PPM1L: variants seen among roughly 807,000 people sequenced by gnomAD.
PPM1L encodes protein phosphatase 1L.
PPM1L carries 13 observed loss-of-function variants against 31.4 expected under a neutral mutation model. The observed-to-expected ratio is 0.41, with a 90% confidence interval of 0.27 to 0.66. The LOEUF (loss-of-function observed/expected upper bound fraction) is 0.66, where lower values mean the gene tolerates loss of function less well. Ranked by LOEUF, PPM1L falls within the 30% of genes least tolerant of loss-of-function variation. The pLI is 0.29. For missense variants in PPM1L, 326 were observed against 453.7 expected (o/e 0.72, Z 2.56); for synonymous variants, 184 against 175.4 (o/e 1.05, Z -0.39).
Position 161,078,169 on chromosome 3 carries a change from G to A in PPM1L, c.*9012G>A, listed in dbSNP as rs1720168984. The A allele has an allele frequency of 1.3e-5, 2 of 152,172 alleles. No individual in the cohort carries two copies. Among genetic ancestry groups the A allele is most frequent in the Admixed American group, 6.5e-5 (1 of 15,284 alleles). 9.4% of individuals were successfully genotyped at this position (152,172 alleles called of 1,614,324 possible). Reference sequence around the variant, plus strand: ...TAGTAAGATTAAAACCATAGATGGAGCTCAGTTATTAAGGATGGAAAGGAG... The same window carrying A: ...TAGTAAGATTAAAACCATAGATGGAACTCAGTTATTAAGGATGGAAAGGAG... On this transcript the variant is annotated 3_prime_UTR_variant, in exon 4 of 4. Transcript: ENST00000498165.
At chr3:160,825,273 G>A (rs1431044232) in intron 1 of PPM1L, among the ~76,000 whole-genome samples, 1 of 152,060 alleles carries the variant, frequency 6.6e-6, no homozygotes, top group Non-Finnish European at 1.5e-5. Flanking sequence ...ACCGTAAGGT[G>A]TCAAAAATCT....
chr3:160,902,898 A>G (rs929020822), intron 1 of PPM1L, among the ~76,000 whole-genome samples: 4 of 152,180 alleles, frequency 2.6e-5, no homozygotes, highest in African/African-American at 9.7e-5. Context: ...GCAAAGTTAC[A>G]GAATTGAGAG....
chr3:160,935,653 AAGG>A (rs1473592002), intron 1 of PPM1L, among the ~76,000 whole-genome samples: 1 of 152,194 alleles, frequency 6.6e-6, no homozygotes, highest in Non-Finnish European at 1.5e-5. Flanking sequence ...TGCTACCTGA[AAGG>A]AGAAGCTTCA....
intron 1 of PPM1L, among the ~76,000 whole-genome samples, chr3:160,843,426 T>TTTTA (rs1169156583): frequency 4.2e-5 from 2 of 47,534 alleles, no homozygotes; most frequent in East Asian, 1.6e-3. Context: ...GGCAATTCTT[T>TTTTA]TATATATATA....
intron 1 of PPM1L, among the ~76,000 whole-genome samples, chr3:160,915,022 G>C (rs1481587826): frequency 6.6e-6 from 1 of 152,078 alleles, no homozygotes; most frequent in African/African-American, 2.4e-5. Context: ...GTTTTGATTT[G>C]CATTTATCTG....
intron 1 of PPM1L, among the ~76,000 whole-genome samples, chr3:160,767,330 C>T (rs999144637): frequency 6.6e-6 from 1 of 151,878 alleles, no homozygotes; most frequent in African/African-American, 2.4e-5. Context: ...ACCTCCCAGG[C>T]TCAAGTGATC....
At chr3:160,835,887 T>C (rs1375023111) in intron 1 of PPM1L, among the ~76,000 whole-genome samples, 1 of 152,088 alleles carries the variant, frequency 6.6e-6, no homozygotes, top group Admixed American at 6.6e-5. Flanking sequence ...GGAACATCTC[T>C]GCTCTTACTG....
chr3:161,019,650 CT>C (rs1195258413), intron 2 of PPM1L, among the ~76,000 whole-genome samples: 1 of 152,170 alleles, frequency 6.6e-6, no homozygotes, highest in African/African-American at 2.4e-5. Flanking sequence ...ATAGAACAAA[CT>C]TTCAAATAAA....
intron 1 of PPM1L, among the ~76,000 whole-genome samples, chr3:160,873,876 T>C (rs1712407886): frequency 6.6e-6 from 1 of 152,214 alleles, no homozygotes; most frequent in South Asian, 2.1e-4. Flanking sequence ...ACTTGCATCA[T>C]GGATTGAGGA....
intron 1 of PPM1L, among the ~76,000 whole-genome samples, chr3:160,847,520 A>G (rs1428800571): frequency 1.3e-5 from 2 of 152,188 alleles, no homozygotes; most frequent in African/African-American, 2.4e-5. Context: ...TTGTGATCTC[A>G]ACTGGTAAGT....
At chr3:160,780,801 T>C (rs144285805) in intron 1 of PPM1L, among the ~76,000 whole-genome samples, 4 of 152,298 alleles carry the variant, frequency 2.6e-5, no homozygotes, top group African/African-American at 9.6e-5. Flanking sequence ...CAGGCAGATA[T>C]TGGGTTGTAG....
At chr3:160,793,677 A>C (rs956271967) in intron 1 of PPM1L, among the ~76,000 whole-genome samples, 3 of 152,196 alleles carry the variant, frequency 2.0e-5, no homozygotes, top group African/African-American at 7.2e-5. Context: ...TATGAACAAA[A>C]GTTCTCTGAA....
chr3:160,924,886 A>G (rs1714534785), intron 1 of PPM1L, among the ~76,000 whole-genome samples: 1 of 152,192 alleles, frequency 6.6e-6, no homozygotes. Flanking sequence ...AACAATTCGC[A>G]TTTAGATTTC....
chr3:160,851,844 G>T (rs1056486339), intron 1 of PPM1L, among the ~76,000 whole-genome samples: 1 of 152,204 alleles, frequency 6.6e-6, no homozygotes, highest in Admixed American at 6.5e-5. Context: ...CCTTTCCGAA[G>T]CCTGTATTTC....
chr3:160,831,620 T>G (rs1407027385), intron 1 of PPM1L, among the ~76,000 whole-genome samples: 1 of 152,196 alleles, frequency 6.6e-6, no homozygotes, highest in African/African-American at 2.4e-5. Flanking sequence ...CAGCCCTGAC[T>G]ACTGGGTCCC....
At chr3:160,891,154 A>T (rs1713123878) in intron 1 of PPM1L, among the ~76,000 whole-genome samples, 1 of 152,224 alleles carries the variant, frequency 6.6e-6, no homozygotes, top group Admixed American at 6.5e-5. Flanking sequence ...GAGCTTCTGC[A>T]CAGCAAAAGA....
intron 2 of PPM1L, among the ~76,000 whole-genome samples, chr3:161,008,605 G>T (rs1055664993): frequency 2.0e-5 from 3 of 152,182 alleles, no homozygotes; most frequent in African/African-American, 7.2e-5. Context: ...AGCAATGGAG[G>T]TGTGAAAAGT....
intron 2 of PPM1L, among the ~76,000 whole-genome samples, chr3:161,044,695 A>G (rs2108092002): frequency 6.6e-6 from 1 of 152,320 alleles, no homozygotes; most frequent in East Asian, 1.9e-4. Flanking sequence ...CATCGATGCT[A>G]AGAAGAAACT....
At chr3:160,871,578 T>G (rs929884176) in intron 1 of PPM1L, among the ~76,000 whole-genome samples, 1 of 152,228 alleles carries the variant, frequency 6.6e-6, no homozygotes, top group African/African-American at 2.4e-5. Context: ...AATTCTACCA[T>G]CTTCGTCTGA....
Sources: gnomAD v4.1 joint callset for allele counts (sites outside exome capture counted in the v4.1 genomes callset) on GRCh38, gnomAD v4.1.1 for gene constraint, MANE v1.5 for transcripts, NCBI Gene and HGNC (gene_info 2026-07-23, HGNC 2026-07-21) for gene names.